MUSK: variants seen among roughly 807,000 people sequenced by gnomAD.
The protein encoded by MUSK is muscle, skeletal receptor tyrosine-protein kinase.
MUSK carries 55 observed loss-of-function variants against 88.7 expected under a neutral mutation model. The observed-to-expected ratio is 0.62, with a 90% CI of 0.50 to 0.78. MUSK has a LOEUF of 0.78. MUSK is among the 30% of genes least tolerant of loss of function. The probability of loss-of-function intolerance (pLI) is 0.00; values close to 1 mark genes in which losing one functional copy is unlikely to be tolerated. For synonymous variants in MUSK, 387 were observed against 391.9 expected (o/e 0.99, Z 0.15); for missense variants, 1,015 against 1,074.3 (o/e 0.94, Z 0.77).
At chr9:110,687,310 T>C (rs776567136) in intron 3 of MUSK, 42 bp downstream of exon 3, 2 of 1,607,348 alleles carry the variant, frequency 1.2e-6, no homozygotes, top group Non-Finnish European at 1.7e-6. Context: ...GAAAGTTGAC[T>C]TGGTACACTT....
At chr9:110,791,057 G>A (rs1337228675) in intron 14 of MUSK, among the ~76,000 whole-genome samples, 1 of 152,014 alleles carries the variant, frequency 6.6e-6, no homozygotes, top group South Asian at 2.1e-4. Context: ...AGAAAGTAGG[G>A]ATCATTAAAA....
At chr9:110,701,916 T>G (rs890740095) in intron 5 of MUSK, among the ~76,000 whole-genome samples, 3 of 134,868 alleles carry the variant, frequency 2.2e-5, no homozygotes, top group Admixed American at 1.7e-4. Flanking sequence ...TTTATTTTAT[T>G]TTATTTTATT....
chr9:110,771,663 C>T (rs1333088358), intron 9 of MUSK, among the ~76,000 whole-genome samples: 1 of 152,078 alleles, frequency 6.6e-6, no homozygotes, highest in Non-Finnish European at 1.5e-5. Context: ...TCAAGCTCCC[C>T]TTCATGCTGC....
At chr9:110,710,852 A>G (rs938828281) in intron 5 of MUSK, among the ~76,000 whole-genome samples, 2 of 152,162 alleles carry the variant, frequency 1.3e-5, no homozygotes, top group Non-Finnish European at 2.9e-5. Context: ...GAAAATACTG[A>G]TCCATTCTAG....
At chr9:110,735,232 A>G (rs1179527286) in intron 6 of MUSK, among the ~76,000 whole-genome samples, 1 of 152,150 alleles carries the variant, frequency 6.6e-6, no homozygotes. Flanking sequence ...AAAGAAAATC[A>G]GTATATCTAA....
intron 14 of MUSK, 111 bp downstream of exon 14, chr9:110,787,949 A>G (rs759927389): frequency 3.2e-6 from 4 of 1,259,562 alleles, no homozygotes; most frequent in Non-Finnish European, 4.5e-6. Flanking sequence ...GAGACGTTTC[A>G]GTTCCTTTTC....
In MUSK at chr9:110,768,023, G is replaced by A; in HGVS notation, c.1124G>A (p.Cys375Tyr). 3 of 1,613,946 alleles carry A rather than the reference G, an allele frequency of 1.9e-6. No individual in the cohort carries two copies. The highest frequency in any genetic ancestry group is 2.5e-6 in the Non-Finnish European group (3 of 1,179,870). Residue 375 changes from cysteine to tyrosine, a missense_variant, in exon 9 of 15, where the codon TGT becomes TAT. Transcript: ENST00000374448. The part of the protein sequence containing the change: ...VCRPAAEALL[C>Y]NHIFQECSPG... ...CGGCCAGCTGCTGAGGCTTTGTTGT[G>A]TAACCACATCTTCCAGGAGTGCAGT...
At chr9:110,785,787 G>A (rs2077847126) in intron 13 of MUSK, 69 bp downstream of exon 13, 1 of 1,103,342 alleles carries the variant, frequency 9.1e-7, no homozygotes, top group Admixed American at 2.6e-5. Context: ...CAAACTATTA[G>A]CTTGGTATAT....
chr9:110,680,980 TATA>T (rs2076101819), intron 1 of MUSK, among the ~76,000 whole-genome samples: 2 of 91,718 alleles, frequency 2.2e-5, no homozygotes, highest in Admixed American at 3.4e-4. Flanking sequence ...ATATGATATA[TATA>T]ATGATCCTTA....
chr9:110,683,165 C>T lies in MUSK; in HGVS notation c.206+365C>T, dbSNP rs150801737. Among the ~76,000 whole-genome samples, 602 of 152,110 alleles carry T rather than the reference C, an allele frequency of 4.0e-3. 4 individuals carry two copies. The highest frequency in any genetic ancestry group is 5.5e-3 in the Non-Finnish European group (376 of 67,928). ...CCAGCCTCTGGTAACCATCCTTTTACGCTCCATGTCCATGAGTTCAATTGT... is the reference window on the plus strand; with the variant it reads ...CCAGCCTCTGGTAACCATCCTTTTATGCTCCATGTCCATGAGTTCAATTGT... On this transcript the variant is annotated intron_variant, in intron 2 of 14. Transcript: ENST00000374448.
chr9:110,698,756 G>A (rs1434749473), intron 5 of MUSK, among the ~76,000 whole-genome samples: 1 of 152,032 alleles, frequency 6.6e-6, no homozygotes, highest in Non-Finnish European at 1.5e-5. Context: ...TCATCAAGTT[G>A]CTGTAATTTA....
chr9:110,790,643 G>A (rs1208254228), intron 14 of MUSK, among the ~76,000 whole-genome samples: 1 of 152,180 alleles, frequency 6.6e-6, no homozygotes, highest in African/African-American at 2.4e-5. Context: ...AGTTTTCTCT[G>A]TGAGGTAGGA....
rs373418008 is a variant in MUSK, at chr9:110,681,056, AT to A, written c.80-1616del. ...ATATATTATATAATATATATTATAT[AT>A]TATATATATAATATTATATATATTA... On this transcript the variant is annotated intron_variant, in intron 1 of 14. Transcript: ENST00000374448. 2.6e-3 allele frequency among the ~76,000 whole-genome samples: 66 copies of A among 25,336 alleles called. 4 individuals carry two copies. Among genetic ancestry groups the A allele is most frequent in the African/African-American group, 0.011 (40 of 3,518 alleles). The allele number at this position is 25,336 out of a possible 152,430, so 16.6% of individuals were successfully genotyped here. A position where few individuals can be genotyped will look rare whatever the true frequency, so the allele number is the denominator to read the frequency against.
chr9:110,739,528 A>G (rs150827477), intron 6 of MUSK, among the ~76,000 whole-genome samples: 257 of 152,270 alleles, frequency 1.7e-3, no homozygotes, highest in African/African-American at 5.8e-3. Context: ...TATCATTCAC[A>G]TTATTATCAT....
rs950417341 is a variant in MUSK, at chr9:110,713,330, G to A, written c.628+15864G>A. ...GCTGAAGTGCAGTGGTGCAATCTCT[G>A]CTCACTGCAACCTCCGCCTCCCAGG... On this transcript the variant is annotated intron_variant, in intron 5 of 14. Coordinates refer to ENST00000374448, the MANE Select transcript of MUSK (RefSeq NM_005592.4). Among the ~76,000 whole-genome samples, 13 of 147,110 alleles carry A rather than the reference G, an allele frequency of 8.8e-5. No homozygotes were observed. In the Admixed American group the frequency reaches 9.1e-4, roughly 10 times the overall value.
intron 1 of MUSK, among the ~76,000 whole-genome samples, chr9:110,679,879 C>T (rs1481312678): frequency 6.6e-6 from 1 of 152,022 alleles, no homozygotes; most frequent in East Asian, 1.9e-4. Flanking sequence ...CTTTCCTGAA[C>T]TTTGATCTTA....
chr9:110,724,683 T>C (rs892577368), intron 5 of MUSK, among the ~76,000 whole-genome samples: 6 of 152,048 alleles, frequency 3.9e-5, no homozygotes, highest in Admixed American at 2.0e-4. Context: ...TCTTATACAC[T>C]GAGATATTCA....
At chr9:110,786,090 T>A (rs923231860) in intron 13 of MUSK, among the ~76,000 whole-genome samples, 2 of 150,850 alleles carry the variant, frequency 1.3e-5, no homozygotes, top group Non-Finnish European at 1.5e-5. Context: ...GGCGGGAGGA[T>A]CACCTTAGTC....
At chr9:110,780,104 G>C (rs2077727983) in intron 11 of MUSK, among the ~76,000 whole-genome samples, 1 of 152,106 alleles carries the variant, frequency 6.6e-6, no homozygotes, top group Non-Finnish European at 1.5e-5. Flanking sequence ...GATTTAGCCT[G>C]TTCATATTTT....
Sources: gnomAD v4.1 joint callset for allele counts (sites outside exome capture counted in the v4.1 genomes callset) on GRCh38, gnomAD v4.1.1 for gene constraint, MANE v1.5 for transcripts, NCBI Gene and HGNC (gene_info 2026-07-23, HGNC 2026-07-21) for gene names.